ESR2: variants seen among roughly 807,000 people sequenced by gnomAD.
The protein encoded by ESR2 is estrogen receptor beta.
In ESR2, 36 loss-of-function variants were observed where a neutral mutation model predicts 49.6. The observed-to-expected ratio is 0.73, with a 90% CI of 0.56 to 0.96. ESR2 has a LOEUF of 0.96. ESR2 is among the 40% of genes least tolerant of loss of function. ESR2 has a pLI of 0.00. For missense variants in ESR2, 714 were observed against 693.0 expected, an observed-to-expected ratio of 1.03 and a Z score of -0.34; for synonymous variants, 320 against 266.1, an observed-to-expected ratio of 1.20 and a Z score of -1.97.
At chr14:64,310,264 C>A (rs2077169445) in intron 1 of ESR2, among the ~76,000 whole-genome samples, 1 of 141,788 alleles carries the variant, frequency 7.1e-6, no homozygotes, top group Non-Finnish European at 1.5e-5. Context: ...CAAAGTGAGA[C>A]AAAGTAAGAC....
intron 1 of ESR2, among the ~76,000 whole-genome samples, chr14:64,327,595 C>T (rs1423465381): frequency 6.6e-6 from 1 of 152,152 alleles, no homozygotes; most frequent in Non-Finnish European, 1.5e-5. Context: ...ACTCGGGAGA[C>T]TGAGGCAGGA....
chr14:64,338,131 T>A (rs2077554673), upstream of ESR2: 1 of 154,950 alleles, frequency 6.5e-6, no homozygotes, highest in Non-Finnish European at 1.5e-5. Context: ...GAAGCCCGCG[T>A]GGATTCTCCA....
chr14:64,277,982 A>C (rs868581828), intron 3 of ESR2, among the ~76,000 whole-genome samples: 2,877 of 152,326 alleles, frequency 0.019, 76 homozygotes, highest in East Asian at 0.085. Context: ...AAGCAAAAAA[A>C]AAAAAGAAGG....
chr14:64,258,338 A>G (rs1307941662), intron 5 of ESR2, among the ~76,000 whole-genome samples: 1 of 152,228 alleles, frequency 6.6e-6, no homozygotes, highest in Admixed American at 6.5e-5. Context: ...AAGCACTTCA[A>G]AAGCAAAGCA....
Position 64,321,907 on chromosome 14 carries a change from C to G in ESR2, c.-91+15991G>C, listed in dbSNP as rs141662007. Among the ~76,000 whole-genome samples, 854 of 152,176 alleles carry G rather than the reference C, an allele frequency of 5.6e-3. 11 individuals carry two copies. The highest frequency in any genetic ancestry group is 0.02 in the African/African-American group (828 of 41,514). ...GGGAACAATAGACACTGGGGACTACCAGACATGGGAGAGAGGGGACATGGG... is the reference window on the plus strand; with the variant it reads ...GGGAACAATAGACACTGGGGACTACGAGACATGGGAGAGAGGGGACATGGG... On this transcript the variant is annotated intron_variant, in intron 1 of 8. Coordinates refer to the ESR2 transcript ENST00000358599.
In ESR2 at chr14:64,282,754, C is replaced by A. The variant is rs774889601; in HGVS notation, c.232G>T (p.Val78Leu). 6.8e-6 allele frequency: 11 copies of A among 1,614,244 alleles called. No individual in the cohort carries two copies. The South Asian group carries it at 7.7e-5, about 11-fold the overall frequency. ...GPGRQTTSPN[V>L]LWPTPGHLSP... is the part of the protein sequence containing the mutation. ...AGGTGCCCAGGTGTTGGCCACAACA[C>A]ATTTGGGCTTGTGGTCTGCCGACCA... is the stretch of plus-strand genomic sequence containing the variant. Residue 78 changes from valine (V) to leucine (L), a missense_variant, in exon 2 of 9, where the codon GTG (valine) becomes TTG (leucine). Transcript: ENST00000341099.
At chr14:64,311,815 AAAAAACAAAAAC>A (rs897161775) in intron 1 of ESR2, among the ~76,000 whole-genome samples, 14 of 152,178 alleles carry the variant, frequency 9.2e-5, no homozygotes, top group African/African-American at 3.1e-4. Context: ...CATCTCTAAA[AAAAAACAAAAAC>A]AAAAACAAAA....
Position 64,302,204 on chromosome 14 carries a change from T to A in ESR2, c.-90-19129A>T, listed in dbSNP as rs140356830. Among the ~76,000 whole-genome samples, 624 of 85,948 alleles carry A rather than the reference T, an allele frequency of 7.3e-3. 8 individuals are homozygous for A. Among genetic ancestry groups the A allele is most frequent in the African/African-American group, 0.028 (597 of 21,598 alleles). 56.4% of individuals were successfully genotyped at this position (85,948 alleles called of 152,430 possible). A position where few individuals can be genotyped will look rare whatever the true frequency, so the allele number is the denominator to read the frequency against. On this transcript the variant is annotated intron_variant, in intron 1 of 8. Transcript: ENST00000358599. ...TATTTATTTATTTATTTATTTATTTTTTGAGACAGTCTCGCTCTGTCGCCC... is the reference window on the plus strand; with the variant it reads ...TATTTATTTATTTATTTATTTATTTATTGAGACAGTCTCGCTCTGTCGCCC...
At chr14:64,285,117 G>A (rs1366389816) in intron 1 of ESR2, among the ~76,000 whole-genome samples, 1 of 152,158 alleles carries the variant, frequency 6.6e-6, no homozygotes. Context: ...CCAAAGTGCT[G>A]GGATTACAGG....
Position 64,334,687 on chromosome 14 carries a change from C to T in ESR2, c.-91+3211G>A, listed in dbSNP as rs138962746. The stretch of plus-strand genomic sequence containing the variant: ...TTTTTTGAGACATTTGCTCTTGTTG[C>T]CCAGACTACGGTGCAATGGTGCGAT... On this transcript the variant is annotated intron_variant, in intron 1 of 8. Coordinates refer to the ESR2 transcript ENST00000358599. Among the ~76,000 whole-genome samples the T allele has an allele frequency of 3.3e-5, 5 of 152,336 alleles. No homozygotes were observed. The East Asian group carries it at 7.7e-4, about 23-fold the overall frequency.
Position 64,228,446 on chromosome 14 carries a change from T to G in ESR2, c.*4691A>C, listed in dbSNP as rs1213225144. Among the ~76,000 whole-genome samples, 2 of 152,198 alleles carry G rather than the reference T, an allele frequency of 1.3e-5. No individual in the cohort carries two copies. Among genetic ancestry groups the G allele is most frequent in the Non-Finnish European group, 2.9e-5 (2 of 68,028 alleles). On this transcript the variant is annotated 3_prime_UTR_variant, in exon 9 of 9. Transcript: ENST00000341099. ...GGAAGGGAAAGCAGGTCTCAAAATC[T>G]GCTTTCACAGAGCAGCAAACATTCA...
intron 5 of ESR2, among the ~76,000 whole-genome samples, chr14:64,258,838 A>G (rs186885197): frequency 3.3e-5 from 5 of 152,338 alleles, no homozygotes; most frequent in African/African-American, 9.6e-5. Flanking sequence ...ATATTCAACA[A>G]GATCAAGGCT....
intron 6 of ESR2, among the ~76,000 whole-genome samples, chr14:64,253,604 G>GTGTGTGTGTGTGTGTGTGTGTA (rs375688515): frequency 7.0e-6 from 1 of 142,802 alleles, no homozygotes; most frequent in African/African-American, 2.7e-5. Flanking sequence ...GTGTGTGTGT[G>GTGTGTGTGTGTGTGTGTGTGTA]TATGTATGTG....
intron 7 of ESR2, among the ~76,000 whole-genome samples, chr14:64,239,953 C>G (rs1337676609): frequency 1.3e-5 from 2 of 152,212 alleles, no homozygotes; most frequent in East Asian, 3.8e-4. Context: ...ATATCCCATT[C>G]TAGACCAAAA....
At chr14:64,302,346 C>T (rs1240393887) in intron 1 of ESR2, among the ~76,000 whole-genome samples, 1 of 151,802 alleles carries the variant, frequency 6.6e-6, no homozygotes, top group African/African-American at 2.4e-5. Flanking sequence ...GCCACCATGC[C>T]CGGCTAATTT....
In ESR2 at chr14:64,229,041, C is replaced by T. The variant is rs1257269138; in HGVS notation, c.*4096G>A. On this transcript the variant is annotated 3_prime_UTR_variant, in exon 9 of 9. Transcript: ENST00000341099. ...GTACACTTCCAAGGAACATATTCCA[C>T]GTGTTTGGGGAAAGCAGTCACAGAC... 6.6e-6 allele frequency among the ~76,000 whole-genome samples: 1 copy of T among 152,092 alleles called. No individual in the cohort carries two copies. Among genetic ancestry groups the T allele is most frequent in the Non-Finnish European group, 1.5e-5 (1 of 68,022 alleles).
At chr14:64,318,524 C>T (rs1263764961) in intron 1 of ESR2, among the ~76,000 whole-genome samples, 10 of 57,476 alleles carry the variant, frequency 1.7e-4, no homozygotes, top group Admixed American at 1.3e-3. Context: ...GCGACAAGAA[C>T]GAAACTCCAT....
At chr14:64,234,705 A>G (rs1036314016) in intron 8 of ESR2, 12 of 665,382 alleles carry the variant, frequency 1.8e-5, no homozygotes, top group Non-Finnish European at 2.7e-5. Flanking sequence ...AGGACTCCAT[A>G]AACAGGCTAT....
intron 7 of ESR2, 90 bp downstream of exon 7, chr14:64,249,456 T>A: frequency 1.4e-6 from 2 of 1,413,320 alleles, no homozygotes; most frequent in Non-Finnish European, 1.9e-6. Context: ...TCAAATAAAA[T>A]AGAAGTTCAA....
Sources: allele counts gnomAD v4.1 joint callset (sites outside exome capture counted in the v4.1 genomes callset), GRCh38; gene constraint gnomAD v4.1.1; transcripts MANE v1.5; gene names NCBI Gene and HGNC (gene_info 2026-07-23, HGNC 2026-07-21).